ERBIN: variants seen among roughly 807,000 people sequenced by gnomAD.
ERBIN encodes erbb2 interacting protein.
A neutral mutation model predicts 158.4 loss-of-function variants in ERBIN; 60 were observed. That is an observed-to-expected ratio of 0.38 (90% CI 0.31 to 0.47). The LOEUF (loss-of-function observed/expected upper bound fraction) is 0.47. ERBIN is among the 20% of genes least tolerant of loss of function. ERBIN has a pLI of 0.99. For synonymous variants in ERBIN, 594 were observed against 557.2 expected, an observed-to-expected ratio of 1.07 and a Z score of -0.93; for missense variants, 1,610 against 1,648.0, an observed-to-expected ratio of 0.98 and a Z score of 0.40.
intron 2 of ERBIN, among the ~76,000 whole-genome samples, chr5:65,990,443 C>T (rs1252813462): frequency 3.3e-5 from 5 of 151,238 alleles, no homozygotes; most frequent in African/African-American, 2.4e-5. Context: ...CCAAGACAGG[C>T]GGATCATGAG....
At chr5:66,075,470 C>G (rs1761901933) in intron 23 of ERBIN, among the ~76,000 whole-genome samples, 1 of 151,808 alleles carries the variant, frequency 6.6e-6, no homozygotes, top group Admixed American at 6.6e-5. Flanking sequence ...GTTTCTTTAC[C>G]AAAACTGGTT....
At chr5:65,957,823 G>A (rs1747380121) in intron 1 of ERBIN, among the ~76,000 whole-genome samples, 1 of 149,582 alleles carries the variant, frequency 6.7e-6, no homozygotes. Context: ...TCCCGGACGG[G>A]GCGGCTGCCG....
intron 1 of ERBIN, among the ~76,000 whole-genome samples, chr5:65,939,803 C>T (rs1319062006): frequency 1.3e-5 from 2 of 152,272 alleles, no homozygotes; most frequent in African/African-American, 4.8e-5. Flanking sequence ...CCAGCCTCGG[C>T]CTCCCGAGGT....
intron 1 of ERBIN, among the ~76,000 whole-genome samples, chr5:65,978,683 C>G (rs1311347700): frequency 6.6e-6 from 1 of 152,182 alleles, no homozygotes; most frequent in Admixed American, 6.5e-5. Context: ...CCTTGAATGA[C>G]AGTGTGGGCT....
chr5:66,054,321 C>A lies in ERBIN; in HGVS notation c.3003C>A (p.Asp1001Glu), dbSNP rs757540138. ...LWHSKQNPQI[D>E]HASFPPQLLP... ...ACTCCAAACAAAATCCCCAAATAGA[C>A]CATGCCAGTTTTCCTCCTCAGCTCC... is the stretch of plus-strand genomic sequence containing the variant. Residue 1001 changes from aspartate to glutamate, a missense_variant, in exon 21 of 26, where the codon GAC becomes GAA. Asp to Glu is a conservative substitution (Grantham distance 45). Around this residue, in one of 2 missense-constraint regions of ERBIN, gnomAD observed 1,014 missense variants for 936.1 expected, o/e 1.08. Transcript: ENST00000284037. The A allele has an allele frequency of 6.2e-7, 1 of 1,614,174 alleles. No homozygotes were observed. Among genetic ancestry groups the A allele is most frequent in the Non-Finnish European group, 8.5e-7 (1 of 1,180,024 alleles).
At chr5:66,038,563 CTT>C in intron 15 of ERBIN, 81 bp downstream of exon 15, 1 of 1,058,656 alleles carries the variant, frequency 9.4e-7, no homozygotes, top group Admixed American at 2.5e-5. Flanking sequence ...GTCTCAGAGA[CTT>C]TTACCAGTTT....
intron 2 of ERBIN, among the ~76,000 whole-genome samples, chr5:65,992,274 C>A (rs553404564): frequency 1.3e-5 from 2 of 151,996 alleles, no homozygotes; most frequent in African/African-American, 4.8e-5. Context: ...CTCAGCCTCC[C>A]GAGTAGCTGG....
In ERBIN at chr5:66,025,283, A is replaced by G. The variant is rs1756115247; in HGVS notation, c.818-197A>G. Reference sequence around the variant, plus strand: ...AATAAACAAATGTACACTATGTTAAATAGTGATGTGGATGAAGATTGAAAG... The same window carrying G: ...AATAAACAAATGTACACTATGTTAAGTAGTGATGTGGATGAAGATTGAAAG... On this transcript the variant is annotated intron_variant, in intron 10 of 25. Coordinates refer to ENST00000284037, the MANE Select transcript of ERBIN (RefSeq NM_001253697.2). 2.0e-5 allele frequency: 12 copies of G among 591,466 alleles called. No homozygotes were observed. The South Asian group carries it at 2.2e-4, about 11-fold the overall frequency. 36.6% of individuals were successfully genotyped at this position (591,466 alleles called of 1,614,324 possible). A position where few individuals can be genotyped will look rare whatever the true frequency, so the allele number is the denominator to read the frequency against.
intron 21 of ERBIN, among the ~76,000 whole-genome samples, chr5:66,060,844 A>G (rs1760205899): frequency 6.6e-6 from 1 of 152,052 alleles, no homozygotes; most frequent in Non-Finnish European, 1.5e-5. Flanking sequence ...GATGTAGTTG[A>G]GCGGTTTTGA....
At chr5:66,076,737 A>G (rs752683285) in intron 24 of ERBIN, 138 bp from the exon 25 acceptor site, 44 of 664,426 alleles carry the variant, frequency 6.6e-5, no homozygotes, top group Non-Finnish European at 1.1e-4. Flanking sequence ...AGTTTGTTAC[A>G]GTATTACTCA....
intron 1 of ERBIN, among the ~76,000 whole-genome samples, chr5:65,958,867 A>G (rs1157002192): frequency 2.0e-5 from 3 of 152,132 alleles, no homozygotes; most frequent in African/African-American, 7.2e-5. Flanking sequence ...CTGCAGGGTA[A>G]TGTAAGTGTT....
intron 18 of ERBIN, among the ~76,000 whole-genome samples, chr5:66,048,304 G>A (rs1178695098): frequency 6.6e-6 from 1 of 151,916 alleles, no homozygotes; most frequent in Non-Finnish European, 1.5e-5. Context: ...CTGTAGTGTT[G>A]AGGAGCCACT....
rs115205532 is a variant in ERBIN, at chr5:65,956,821, T to C, written c.-58+30015T>C. ...AGCACAACGTAGCTGGAGTTGGATTTCTGGTGAACACTTTAATAATTCCAC... is the reference window on the plus strand; with the variant it reads ...AGCACAACGTAGCTGGAGTTGGATTCCTGGTGAACACTTTAATAATTCCAC... On this transcript the variant is annotated intron_variant, in intron 1 of 25. Transcript: ENST00000284037. Among the ~76,000 whole-genome samples the C allele has an allele frequency of 1.6e-3, 247 of 152,328 alleles. 1 individual carries two copies. Among genetic ancestry groups the C allele is most frequent in the African/African-American group, 5.8e-3 (242 of 41,578 alleles).
intron 21 of ERBIN, among the ~76,000 whole-genome samples, chr5:66,063,523 G>T (rs879530992): frequency 2.0e-5 from 3 of 152,048 alleles, no homozygotes; most frequent in Non-Finnish European, 4.4e-5. Context: ...TTCGGCTCAG[G>T]CATGGTGTGC....
intron 14 of ERBIN, among the ~76,000 whole-genome samples, chr5:66,031,657 T>A (rs1266668372): frequency 1.3e-5 from 2 of 152,060 alleles, no homozygotes; most frequent in Non-Finnish European, 2.9e-5. Flanking sequence ...ATAGCAAGAT[T>A]CCGTCTCTGC....
intron 1 of ERBIN, among the ~76,000 whole-genome samples, chr5:65,968,745 G>A (rs1347740153): frequency 6.6e-6 from 1 of 152,080 alleles, no homozygotes; most frequent in African/African-American, 2.4e-5. Context: ...ATTTTTAGTA[G>A]AGACAGGGTT....
At chr5:65,970,410 C>T (rs906709116) in intron 1 of ERBIN, among the ~76,000 whole-genome samples, 6 of 152,146 alleles carry the variant, frequency 3.9e-5, no homozygotes, top group Non-Finnish European at 8.8e-5. Flanking sequence ...ACTACCCTAA[C>T]GTCATTCCTA....
intron 1 of ERBIN, among the ~76,000 whole-genome samples, chr5:65,929,915 C>CT (rs1466642145): frequency 1.7e-4 from 26 of 152,290 alleles, no homozygotes; most frequent in African/African-American, 6.0e-4. Flanking sequence ...GCTGGGATTA[C>CT]AGGTGTGAGC....
chr5:65,934,651 C>T (rs1686493188), intron 1 of ERBIN, among the ~76,000 whole-genome samples: 1 of 152,110 alleles, frequency 6.6e-6, no homozygotes, highest in South Asian at 2.1e-4. Context: ...TTATGGTATT[C>T]ACTTTATGTG....
Sources: allele counts gnomAD v4.1 joint callset (sites outside exome capture counted in the v4.1 genomes callset), GRCh38; gene constraint gnomAD v4.1.1; regional missense constraint gnomAD v4.1.1; transcripts MANE v1.5; gene names NCBI Gene and HGNC (gene_info 2026-07-23, HGNC 2026-07-21).